The following SPDYE10 variants were observed in gnomAD, a reference collection of about 807,000 sequenced individuals.
SPDYE10 encodes speedy protein E10.
At chr7:73,127,082 CTTTTTTTTTTTTTTTTT>C in the SPDYE10 span, among the ~76,000 whole-genome samples, 2 of 13,354 alleles carry the variant, frequency 1.5e-4, no homozygotes, top group African/African-American at 8.7e-4. Flanking sequence ...CCACGCCTGG[CTTTTTTTTTTTTTTTTT>C]TTTTTTTTTT....
At chr7:73,127,233 C>T in the SPDYE10 span, among the ~76,000 whole-genome samples, 50 of 63,472 alleles carry the variant, frequency 7.9e-4, no homozygotes, top group African/African-American at 2.7e-3. Context: ...TGAGCTACTG[C>T]GCCCAACCTC....
chr7:73,138,182 T>G, the SPDYE10 span, among the ~76,000 whole-genome samples: 103 of 151,812 alleles, frequency 6.8e-4, no homozygotes, highest in African/African-American at 2.4e-3. Flanking sequence ...TTAGGTCAAC[T>G]CTGAGAATAG....
chr7:73,135,903 A>G, the SPDYE10 span, among the ~76,000 whole-genome samples: 1 of 62,072 alleles, frequency 1.6e-5, no homozygotes, highest in Non-Finnish European at 2.8e-5. Context: ...TTTTTGAGAT[A>G]GAGTTTTGTT....
At chr7:73,137,540 GAGAGAAAGAA>G in the SPDYE10 span, among the ~76,000 whole-genome samples, 23 of 144,544 alleles carry the variant, frequency 1.6e-4, no homozygotes, top group South Asian at 2.2e-4. Flanking sequence ...AAGAAAGAGA[GAGAGAAAGAA>G]AGAGAAAGAA....
At chr7:73,113,941 G>A in the SPDYE10 span, among the ~76,000 whole-genome samples, 9 of 151,890 alleles carry the variant, frequency 5.9e-5, no homozygotes, top group Non-Finnish European at 1.2e-4. Flanking sequence ...CAGGAGAATG[G>A]CGTGAACCCA....
At chr7:73,134,895 A>C in the SPDYE10 span, among the ~76,000 whole-genome samples, 5 of 148,758 alleles carry the variant, frequency 3.4e-5, no homozygotes, top group Admixed American at 6.7e-5. Flanking sequence ...AAAAGAAAGA[A>C]AAAAAAAATG....
chr7:73,138,763 A>G, the SPDYE10 span, among the ~76,000 whole-genome samples: 1 of 143,110 alleles, frequency 7.0e-6, no homozygotes, highest in Non-Finnish European at 1.5e-5. Context: ...CCTAGGAGGA[A>G]AAGAGCATTC....
chr7:73,137,641 A>AGAAG, the SPDYE10 span, among the ~76,000 whole-genome samples: 1 of 103,442 alleles, frequency 9.7e-6, no homozygotes, highest in Non-Finnish European at 2.1e-5. Context: ...AAAGAAAGAA[A>AGAAG]GGAGAAAGAA....
At chr7:73,131,203 TAAAAA>T in the SPDYE10 span, among the ~76,000 whole-genome samples, 1 of 114,138 alleles carries the variant, frequency 8.8e-6, no homozygotes, top group Non-Finnish European at 1.7e-5. Context: ...ACTGTCTCTT[TAAAAA>T]AAAAAAAAAA....
the SPDYE10 span, among the ~76,000 whole-genome samples, chr7:73,150,907 AAT>A: frequency 2.3e-3 from 27 of 11,572 alleles, 2 homozygotes; most frequent in Non-Finnish European, 3.2e-3. Flanking sequence ...AAAAAAAAAA[AAT>A]ATATATATAT....
At chr7:73,123,788 C>CCTCTCTCCCTCTCTCTCTCTCT in the SPDYE10 span, among the ~76,000 whole-genome samples, 6 of 97,454 alleles carry the variant, frequency 6.2e-5, no homozygotes, top group African/African-American at 3.0e-4. Flanking sequence ...TCTCTCTCTC[C>CCTCTCTCCCTCTCTCTCTCTCT]CTCTCTCTCT....
the SPDYE10 span, among the ~76,000 whole-genome samples, chr7:73,114,324 AC>A: frequency 4.6e-4 from 63 of 137,874 alleles, no homozygotes; most frequent in African/African-American, 1.5e-3. Context: ...CCTCTCTAGA[AC>A]AGTCACCAGG....
the SPDYE10 span, among the ~76,000 whole-genome samples, chr7:73,145,120 TTTC>T: frequency 9.6e-4 from 138 of 143,150 alleles, 2 homozygotes; most frequent in East Asian, 0.025. Context: ...TCTTTCTTTC[TTTC>T]TTTTCTTTCT....
chr7:73,147,882 C>T, the SPDYE10 span, among the ~76,000 whole-genome samples: 2 of 151,308 alleles, frequency 1.3e-5, no homozygotes, highest in East Asian at 3.8e-4. Context: ...TCTTGGCTCA[C>T]TGCCACCTCC....
chr7:73,114,165 T>C, the SPDYE10 span, among the ~76,000 whole-genome samples: 2 of 131,172 alleles, frequency 1.5e-5, no homozygotes, highest in Non-Finnish European at 3.3e-5. Context: ...CACTCCAGCC[T>C]GGGTGACAGA....
the SPDYE10 span, among the ~76,000 whole-genome samples, chr7:73,137,093 A>C: frequency 6.6e-6 from 1 of 152,148 alleles, no homozygotes; most frequent in African/African-American, 2.4e-5. Context: ...ATTGAAACCC[A>C]GGTTAGACTG....
chr7:73,154,748 C>T, the SPDYE10 span, among the ~76,000 whole-genome samples: 2 of 150,838 alleles, frequency 1.3e-5, 1 homozygote, highest in African/African-American at 5.0e-5. Flanking sequence ...GCCCGCGCTC[C>T]TGCATTTCCC....
the SPDYE10 span, among the ~76,000 whole-genome samples, chr7:73,129,793 G>T: frequency 1.3e-5 from 2 of 151,758 alleles, no homozygotes; most frequent in African/African-American, 2.4e-5. Context: ...GGTGGTCAAG[G>T]TTCTCTCTTT....
the SPDYE10 span, among the ~76,000 whole-genome samples, chr7:73,111,880 C>T: frequency 2.3e-5 from 3 of 132,602 alleles, no homozygotes; most frequent in Admixed American, 7.4e-5. Flanking sequence ...ATTCTCCTGT[C>T]TTAGCCTCCC....
Sources: allele counts gnomAD v4.1 joint callset (sites outside exome capture counted in the v4.1 genomes callset), GRCh38; gene constraint gnomAD v4.1.1; transcripts MANE v1.5; gene names NCBI Gene and HGNC (gene_info 2026-07-23, HGNC 2026-07-21).